The following RRP1B variants were observed in gnomAD, a reference collection of about 807,000 sequenced individuals.
The protein encoded by RRP1B is ribosomal RNA processing protein 1 homolog B.
In RRP1B, 56 loss-of-function variants were observed where a neutral mutation model predicts 80.2. The observed-to-expected ratio is 0.70, with a 90% CI of 0.56 to 0.87. The LOEUF is 0.87. RRP1B is among the 40% of genes least tolerant of loss of function. The pLI, the probability that RRP1B is intolerant of heterozygous loss-of-function variation, is 0.00. For synonymous variants in RRP1B, 351 were observed against 357.6 expected, an observed-to-expected ratio of 0.98 and a Z score of 0.21; for missense variants, 807 against 939.8, an observed-to-expected ratio of 0.86 and a Z score of 1.85.
intron 11 of RRP1B, chr21:43,686,558 C>T (rs188462353): frequency 7.4e-6 from 3 of 402,690 alleles, no homozygotes; most frequent in East Asian, 4.4e-5. Flanking sequence ...ATTAGCCAAG[C>T]GTCCGGGGTC....
intron 10 of RRP1B, among the ~76,000 whole-genome samples, chr21:43,684,988 G>A (rs2083057567): frequency 6.6e-6 from 1 of 152,104 alleles, no homozygotes; most frequent in Admixed American, 6.6e-5. Context: ...GATAGATAGG[G>A]TTAATTCTTT....
In RRP1B at chr21:43,693,489, G is replaced by A. The variant is rs1303590401; in HGVS notation, c.*106G>A. ...TTTATGATTTTGTAAGTTCCCATAA[G>A]TTGTGTGCACGAGGTTCTGAGAGTG... On this transcript the variant is annotated 3_prime_UTR_variant, in exon 16 of 16. Transcript: ENST00000340648. The surrounding 1 kb of genome is among the most constrained non-coding windows in gnomAD (Gnocchi z 4.1). 1.7e-6 allele frequency: 2 copies of A among 1,194,072 alleles called. No individual in the cohort carries two copies. The highest frequency in any genetic ancestry group is 1.6e-5 in the African/African-American group (1 of 64,302). The allele number at this position is 1,194,072 out of a possible 1,614,324, so 74.0% of individuals were successfully genotyped here.
At chr21:43,669,805 T>C in intron 1 of RRP1B, 79 bp from the exon 2 acceptor site, 1 of 953,022 alleles carries the variant, frequency 1.0e-6, no homozygotes, top group Non-Finnish European at 1.6e-6. Flanking sequence ...TTAAAATGTA[T>C]GTGATACTTC....
At chr21:43,679,228 G>GTGT (rs1347620609) in intron 8 of RRP1B, among the ~76,000 whole-genome samples, 7,989 of 145,138 alleles carry the variant, frequency 0.055, 691 homozygotes, top group African/African-American at 0.2. Context: ...TTTTTTGTGT[G>GTGT]TCTTTTTTTT....
Position 43,693,289 on chromosome 21 carries a change from C to A in RRP1B, c.2183C>A (p.Thr728Asn). 6.2e-7 allele frequency: 1 copy of A among 1,613,900 alleles called. No individual in the cohort carries two copies. Among genetic ancestry groups the A allele is most frequent in the Non-Finnish European group, 8.5e-7 (1 of 1,179,942 alleles). ...EQKPLHGVLKTPTSSPASSPL... is the reference protein window; with the variant it reads ...EQKPLHGVLKNPTSSPASSPL... ...AAGCCCCTCCACGGGGTGCTGAAGA[C>A]CCCCACCAGCTCACCTGCCAGCTCA... Residue 728 changes from threonine (T) to asparagine (N), a missense_variant, in exon 16 of 16, where the codon ACC (threonine) becomes AAC (asparagine). By Grantham distance (65) the Thr-to-Asn change is moderately conservative (BLOSUM62 0). Transcript: ENST00000340648. This position sits in a 1 kb window ranked among gnomAD's most constrained non-coding sequence, Gnocchi z 4.1.
chr21:43,674,126 A>C (rs1158985976), intron 4 of RRP1B, among the ~76,000 whole-genome samples, 171 bp downstream of exon 4: 2 of 152,216 alleles, frequency 1.3e-5, no homozygotes, highest in Non-Finnish European at 2.9e-5. Context: ...TGCAGTTCTT[A>C]AGGATGAGTT....
Position 43,672,235 on chromosome 21 carries a change from G to A in RRP1B, c.214-73G>A, listed in dbSNP as rs1260803782. 9 of 1,342,508 alleles carry A rather than the reference G, an allele frequency of 6.7e-6. No homozygotes were observed. The Admixed American group carries it at 1.2e-4, about 18-fold the overall frequency. 83.2% of individuals were successfully genotyped at this position (1,342,508 alleles called of 1,614,324 possible). ...CCACGAGCGGAAGTGGGAGAAGGAA[G>A]CAGGCCGCGGCACAGGCATCTCATG... On this transcript the variant is annotated intron_variant, in intron 2 of 15. Transcript: ENST00000340648.
chr21:43,679,453 A>G (rs151263447), intron 8 of RRP1B, among the ~76,000 whole-genome samples: 4,851 of 152,052 alleles, frequency 0.032, 274 homozygotes, highest in African/African-American at 0.11. Flanking sequence ...TTGTATTTTT[A>G]GTAGAGATGG....
At position 43,659,641 on chromosome 21, in the gene RRP1B, G is replaced by A. The variant is rs907057341; in HGVS notation, c.-24G>A. 1.8e-5 allele frequency: 27 copies of A among 1,476,844 alleles called. No individual in the cohort carries two copies. Among genetic ancestry groups the A allele is most frequent in the Non-Finnish European group, 2.3e-5 (26 of 1,112,488 alleles). The allele number at this position is 1,476,844 out of a possible 1,614,324, so 91.5% of individuals were successfully genotyped here. A position where few individuals can be genotyped will look rare whatever the true frequency, so the allele number is the denominator to read the frequency against. On this transcript the variant is annotated 5_prime_UTR_variant, in exon 1 of 16. Transcript: ENST00000340648. The surrounding 1 kb of genome is among the most constrained non-coding windows in gnomAD (Gnocchi z 4.2). ...CTGCAGCGGCACCGCGGGTTGCGCG[G>A]CCGGGGATGCTCCAGCGGGCGCGAT...
Position 43,676,613 on chromosome 21 carries a change from G to A in RRP1B, c.615-120G>A, listed in dbSNP as rs939784459. ...GGCAGTTCCTCTCAGATGCTTGCTG[G>A]CCCGTGGGGGCCACTCCAGACCACA... On this transcript the variant is annotated intron_variant, in intron 7 of 15. Coordinates refer to ENST00000340648, the MANE Select transcript of RRP1B (RefSeq NM_015056.3). 1.7e-5 allele frequency: 16 copies of A among 917,946 alleles called. No homozygotes were observed. In the Admixed American group the frequency reaches 2.5e-4, roughly 14 times the overall value. 56.9% of individuals were successfully genotyped at this position (917,946 alleles called of 1,614,324 possible).
In RRP1B at chr21:43,659,611, G is replaced by C; in HGVS notation, c.-54G>C. On this transcript the variant is annotated 5_prime_UTR_variant, in exon 1 of 16. Coordinates refer to ENST00000340648, the MANE Select transcript of RRP1B (RefSeq NM_015056.3). This position sits in a 1 kb window ranked among gnomAD's most constrained non-coding sequence, Gnocchi z 4.2. ...GTGGCTGGCTGCTCCGCAGCGCTCG[G>C]CTGGCTGCAGCGGCACCGCGGGTTG... The C allele has an allele frequency of 7.2e-7, 1 of 1,384,144 alleles. No individual in the cohort carries two copies. Among genetic ancestry groups the C allele is most frequent in the South Asian group, 1.6e-5 (1 of 61,082 alleles). 85.7% of individuals were successfully genotyped at this position (1,384,144 alleles called of 1,614,324 possible).
chr21:43,689,806 C>G (rs1166496513), intron 13 of RRP1B, among the ~76,000 whole-genome samples: 1 of 152,260 alleles, frequency 6.6e-6, no homozygotes, highest in Non-Finnish European at 1.5e-5. Flanking sequence ...CTGCCCACAC[C>G]TCTGAGAGCC....
chr21:43,676,920 A>G lies in RRP1B; in HGVS notation c.796+6A>G. On this transcript the variant is annotated splice_donor_region_variant and intron_variant, in intron 8 of 15. Transcript: ENST00000340648. ...TGTCAGTAAAAAGAAGACAGGTAGG[A>G]GGATGTTCTTGGTCAGTGTAGCTTT... 6.2e-7 allele frequency: 1 copy of G among 1,613,502 alleles called. No homozygotes were observed. The highest frequency in any genetic ancestry group is 1.1e-5 in the South Asian group (1 of 91,018).
chr21:43,690,355 T>C lies in RRP1B; in HGVS notation c.1934T>C (p.Phe645Ser), dbSNP rs761507548. 4 of 1,614,196 alleles carry C rather than the reference T, an allele frequency of 2.5e-6. No homozygotes were observed. The highest frequency in any genetic ancestry group is 1.1e-5 in the South Asian group (1 of 91,086). The change falls in exon 14 of 16, where the codon TTT (phenylalanine) becomes TCT (serine). Residue 645 changes from phenylalanine (F) to serine (S), a missense_variant. Phe to Ser is a radical substitution (Grantham distance 155, BLOSUM62 -2). Coordinates refer to ENST00000340648, the MANE Select transcript of RRP1B (RefSeq NM_015056.3). ...KLRAESDFVK[F>S]DTPFLPKPLF... ...AGGGCAGAGAGCGACTTTGTGAAGT[T>C]TGACACCCCCTTCTTACCAAAGCCC...
chr21:43,662,429 G>A (rs986754012), intron 1 of RRP1B, among the ~76,000 whole-genome samples: 1 of 152,226 alleles, frequency 6.6e-6, no homozygotes, highest in African/African-American at 2.4e-5. Context: ...CTCCACCACA[G>A]CTATGCCCCA....
At position 43,688,324 on chromosome 21, in the gene RRP1B, G is replaced by A. The variant is rs749677638; in HGVS notation, c.1866+84G>A. 4.9e-4 allele frequency: 708 copies of A among 1,443,500 alleles called. 1 individual carries two copies. The highest frequency in any genetic ancestry group is 2.0e-3 in the Middle Eastern group (8 of 3,910). The allele number at this position is 1,443,500 out of a possible 1,614,324, so 89.4% of individuals were successfully genotyped here. A position where few individuals can be genotyped will look rare whatever the true frequency, so the allele number is the denominator to read the frequency against. ...GGCTCCACTGCCTCCTGAGAGGAAG[G>A]GTGGGGGCTGGCGGCCAGGCCTCTG... On this transcript the variant is annotated intron_variant, in intron 13 of 15. Coordinates refer to ENST00000340648, the MANE Select transcript of RRP1B (RefSeq NM_015056.3).
In RRP1B at chr21:43,674,625, C is replaced by G; in HGVS notation, c.358-11C>G. On this transcript the variant is annotated splice_polypyrimidine_tract_variant and intron_variant, in intron 4 of 15. Coordinates refer to ENST00000340648, the MANE Select transcript of RRP1B (RefSeq NM_015056.3). The stretch of plus-strand genomic sequence containing the variant: ...TTTTTTTTTTTTTAAACAAAAATTG[C>G]CTTTCTTTAGCTGATTCGTCTGGTC... 3 of 797,958 alleles carry G rather than the reference C, an allele frequency of 3.8e-6. No homozygotes were observed. Among genetic ancestry groups the G allele is most frequent in the Non-Finnish European group, 5.0e-6 (3 of 603,608 alleles). 49.4% of individuals were successfully genotyped at this position (797,958 alleles called of 1,614,324 possible).
At chr21:43,669,847 A>G in intron 1 of RRP1B, 37 bp from the exon 2 acceptor site, 1 of 1,451,798 alleles carries the variant, frequency 6.9e-7, no homozygotes, top group South Asian at 1.2e-5. Flanking sequence ...AAAGAGATGC[A>G]TAGACTCTAA....
Position 43,673,949 on chromosome 21 carries a change from C to T in RRP1B, c.351C>T (p.Tyr117=). 1 of 1,608,690 alleles carries T rather than the reference C, an allele frequency of 6.2e-7. No individual in the cohort carries two copies. The highest frequency in any genetic ancestry group is 1.1e-5 in the South Asian group (1 of 90,648). Residue 117 remains tyrosine (Y), a synonymous_variant, in exon 4 of 16, where the codon TAC becomes TAT. Coordinates refer to ENST00000340648, the MANE Select transcript of RRP1B (RefSeq NM_015056.3). ...TAGACAGGCTACGCCTGGACAAATA[C>T]TATATGGTAAGATCTGCCGCAGTTA... ...KGIDRLRLDK[Y]YMLIRLVLRQ... is the part of the protein sequence containing the mutation.
Sources: allele counts gnomAD v4.1 joint callset (sites outside exome capture counted in the v4.1 genomes callset), GRCh38; gene constraint gnomAD v4.1.1; non-coding constraint Gnocchi (gnomAD v3.1); transcripts MANE v1.5; gene names NCBI Gene and HGNC (gene_info 2026-07-23, HGNC 2026-07-21).